ELF2: variants seen among roughly 807,000 people sequenced by gnomAD.
The protein encoded by ELF2 is ETS-related transcription factor Elf-2.
ELF2 carries 11 observed loss-of-function variants against 54.8 expected under a neutral mutation model. The observed-to-expected ratio is 0.20, with a 90% CI of 0.13 to 0.33. The LOEUF is 0.33. ELF2 is among the 10% of genes least tolerant of loss of function. ELF2 has a pLI of 1.00. For synonymous variants in ELF2, 203 were observed against 245.1 expected (o/e 0.83, Z 1.61); for missense variants, 513 against 703.0 (o/e 0.73, Z 3.06).
intron 1 of ELF2, among the ~76,000 whole-genome samples, chr4:139,148,202 G>T (rs1231378002): frequency 1.3e-5 from 2 of 151,270 alleles, no homozygotes; most frequent in Non-Finnish European, 2.9e-5. Flanking sequence ...TTTTGGGGGG[G>T]TGGGGAGACA....
At chr4:139,065,696 T>TTGTA (rs1728592638) in intron 7 of ELF2, among the ~76,000 whole-genome samples, 1 of 152,132 alleles carries the variant, frequency 6.6e-6, no homozygotes, top group African/African-American at 2.4e-5. Context: ...AAGACTGAAA[T>TTGTA]TGTAATGAGA....
rs1002583205 is a variant in ELF2 at position 139,058,407 on chromosome 4, G to GTGTATATATATATATATA, written c.*575_*576insTATATATATATATATACA. The GTGTATATATATATATATA allele has an allele frequency of 2.7e-4, 39 of 142,140 alleles. No homozygotes were observed. Among genetic ancestry groups the GTGTATATATATATATATA allele is most frequent in the Middle Eastern group, 3.7e-3 (1 of 270 alleles). The allele number at this position is 142,140 out of a possible 1,614,324, so 8.8% of individuals were successfully genotyped here. On this transcript the variant is annotated 3_prime_UTR_variant, in exon 10 of 10. Transcript: ENST00000686138. Reference sequence around the variant, plus strand: ...AGCTATATGATATATATATATGTATGTATATATATATATATATATATATAA... The same window carrying GTGTATATATATATATATA: ...AGCTATATGATATATATATATGTATGTGTATATATATATATATATATATATATATATATATATATATAA...
chr4:139,147,616 C>T (rs1739363972), intron 1 of ELF2, among the ~76,000 whole-genome samples: 1 of 151,970 alleles, frequency 6.6e-6, no homozygotes, highest in Admixed American at 6.6e-5. Context: ...GGATTACAGG[C>T]ACCTGCCACT....
intron 3 of ELF2, among the ~76,000 whole-genome samples, chr4:139,127,860 G>A (rs1264539988): frequency 6.6e-6 from 1 of 151,792 alleles, no homozygotes; most frequent in Non-Finnish European, 1.5e-5. Context: ...AGCTACTTGG[G>A]AGGCTGAGGC....
At chr4:139,151,032 A>AGAAAGAAAGAAAGAAAG (rs1553971300) in intron 1 of ELF2, among the ~76,000 whole-genome samples, 5 of 102,510 alleles carry the variant, frequency 4.9e-5, no homozygotes, top group Non-Finnish European at 8.8e-5. Context: ...TCAAAAAAAA[A>AGAAAGAAAGAAAGAAAG]AAAGAAAGAA....
At chr4:139,095,223 T>G (rs1298668500) in intron 4 of ELF2, among the ~76,000 whole-genome samples, 1 of 151,758 alleles carries the variant, frequency 6.6e-6, no homozygotes, top group Non-Finnish European at 1.5e-5. Flanking sequence ...CTCATTCTGT[T>G]GCCCAGGCTA....
intron 1 of ELF2, among the ~76,000 whole-genome samples, chr4:139,166,729 G>A (rs1348236544): frequency 3.9e-5 from 6 of 152,066 alleles, no homozygotes; most frequent in African/African-American, 9.7e-5. Flanking sequence ...TTAGCTGGGC[G>A]TGGTGGTGGG....
At chr4:139,121,746 T>C (rs1285091634) in intron 4 of ELF2, among the ~76,000 whole-genome samples, 1 of 152,160 alleles carries the variant, frequency 6.6e-6, no homozygotes, top group African/African-American at 2.4e-5. Flanking sequence ...TCTTTATAAT[T>C]ACTAATCTGC....
chr4:139,072,043 T>TA lies in ELF2; in HGVS notation c.353-5dup, dbSNP rs770148804. The TA allele has an allele frequency of 2.0e-5, 32 of 1,603,800 alleles. No individual in the cohort carries two copies. Among genetic ancestry groups the TA allele is most frequent in the Middle Eastern group, 1.7e-4 (1 of 6,052 alleles). ...CAAGGAGGAACAAACACTTCCACTATAAAAAAAAGTTGAAAAATTAAAATT... is the reference window on the plus strand; with the variant it reads ...CAAGGAGGAACAAACACTTCCACTATAAAAAAAAAGTTGAAAAATTAAAATT... On this transcript the variant is annotated splice_polypyrimidine_tract_variant and splice_region_variant and intron_variant, in intron 5 of 9. Transcript: ENST00000686138.
intron 1 of ELF2, among the ~76,000 whole-genome samples, chr4:139,172,154 G>C (rs965923447): frequency 1.3e-5 from 2 of 152,076 alleles, no homozygotes; most frequent in South Asian, 2.1e-4. Context: ...TCCACATAAA[G>C]ACTTGTACTC....
intron 6 of ELF2, among the ~76,000 whole-genome samples, chr4:139,068,693 T>C (rs1578683796): frequency 6.6e-6 from 1 of 152,162 alleles, no homozygotes; most frequent in South Asian, 2.1e-4. Flanking sequence ...CCACAATGAA[T>C]AGAAAAAGTA....
intron 4 of ELF2, among the ~76,000 whole-genome samples, chr4:139,092,468 T>TAACATAACATAACA (rs1732771738): frequency 2.1e-5 from 3 of 144,408 alleles, no homozygotes; most frequent in Non-Finnish European, 3.0e-5. Flanking sequence ...TAACATAACA[T>TAACATAACATAACA]AACATAGGGC....
chr4:139,168,707 T>C (rs1167848497), intron 1 of ELF2, among the ~76,000 whole-genome samples: 2 of 152,154 alleles, frequency 1.3e-5, no homozygotes, highest in Non-Finnish European at 2.9e-5. Context: ...GATTGATCAG[T>C]GATGCTTCCA....
chr4:139,154,871 A>C (rs1740369768), intron 1 of ELF2, among the ~76,000 whole-genome samples: 1 of 152,186 alleles, frequency 6.6e-6, no homozygotes, highest in South Asian at 2.1e-4. Flanking sequence ...TATTCAGTGA[A>C]AGGCTGATCA....
intron 1 of ELF2, among the ~76,000 whole-genome samples, chr4:139,147,210 A>G (rs1376777896): frequency 6.6e-6 from 1 of 152,204 alleles, no homozygotes. Flanking sequence ...TAATCTCATG[A>G]AAAAGTGGGA....
At chr4:139,078,357 G>A (rs1730610844) in intron 4 of ELF2, among the ~76,000 whole-genome samples, 1 of 152,156 alleles carries the variant, frequency 6.6e-6, no homozygotes, top group South Asian at 2.1e-4. Context: ...ATAGTACAAG[G>A]TCTTCAGTCA....
At chr4:139,071,271 G>T (rs1169267126) in intron 6 of ELF2, among the ~76,000 whole-genome samples, 3 of 151,376 alleles carry the variant, frequency 2.0e-5, no homozygotes, top group Non-Finnish European at 4.4e-5. Flanking sequence ...TGATATAAAT[G>T]ATATATATAT....
At chr4:139,086,926 A>G (rs1424697727) in intron 4 of ELF2, among the ~76,000 whole-genome samples, 1 of 152,226 alleles carries the variant, frequency 6.6e-6, no homozygotes, top group Non-Finnish European at 1.5e-5. Context: ...GAGGAAAAGG[A>G]CTATGGCTAA....
intron 1 of ELF2, among the ~76,000 whole-genome samples, chr4:139,172,360 G>A (rs1742393753): frequency 6.6e-6 from 1 of 152,104 alleles, no homozygotes; most frequent in Non-Finnish European, 1.5e-5. Flanking sequence ...GTTTTAAATT[G>A]AGTGCCATTC....
Sources: allele counts gnomAD v4.1 joint callset (sites outside exome capture counted in the v4.1 genomes callset), GRCh38; gene constraint gnomAD v4.1.1; transcripts MANE v1.5; gene names NCBI Gene and HGNC (gene_info 2026-07-23, HGNC 2026-07-21).